Variants in MS4A4A observed in about 807,000 individuals in gnomAD.
MS4A4A encodes the protein membrane-spanning 4-domains subfamily A member 4A.
Under a neutral mutation model 28.0 loss-of-function variants are expected in MS4A4A, and 26 were observed. The observed-to-expected ratio is 0.93, with a 90% CI of 0.68 to 1.29. MS4A4A has a LOEUF of 1.29. MS4A4A is among the 50% of genes most tolerant of loss of function. The probability of loss-of-function intolerance (pLI) is 0.00; values close to 1 mark genes in which losing one functional copy is unlikely to be tolerated. For missense variants in MS4A4A, 290 were observed against 293.1 expected (o/e 0.99, Z 0.08); for synonymous variants, 86 against 100.8 (o/e 0.85, Z 0.88).
intron 1 of MS4A4A, among the ~76,000 whole-genome samples, 170 bp downstream of exon 1, chr11:60,280,886 TG>T (rs1275551870): frequency 6.6e-6 from 1 of 151,894 alleles, no homozygotes; most frequent in Non-Finnish European, 1.5e-5. Flanking sequence ...GTGCATTCGG[TG>T]GGGGGATGAG....
intron 3 of MS4A4A, among the ~76,000 whole-genome samples, chr11:60,300,579 G>A (rs921054556): frequency 7.8e-6 from 1 of 128,794 alleles, no homozygotes; most frequent in Non-Finnish European, 1.5e-5. Context: ...TTGCCCCACT[G>A]CACTCCAGCC....
chr11:60,296,175 G>C (rs2084903986), intron 2 of MS4A4A, among the ~76,000 whole-genome samples: 1 of 151,914 alleles, frequency 6.6e-6, no homozygotes, highest in East Asian at 1.9e-4. Flanking sequence ...GGCTTATTCA[G>C]AGTGTCTCTT....
intron 4 of MS4A4A, 91 bp downstream of exon 4, chr11:60,301,148 T>G: frequency 9.2e-7 from 1 of 1,086,278 alleles, no homozygotes. Context: ...TTTGTTTCTT[T>G]GTTTGTAAAA....
At chr11:60,294,953 G>GTCTTCTTCTTCTTCTTCTTCTTTTTT in intron 2 of MS4A4A, among the ~76,000 whole-genome samples, 1 of 55,892 alleles carries the variant, frequency 1.8e-5, no homozygotes, top group Admixed American at 1.8e-4. Context: ...TCTTCTTCTA[G>GTCTTCTTCTTCTTCTTCTTCTTTTTT]ATTGTGTTTG....
chr11:60,297,421 C>A, intron 3 of MS4A4A, 96 bp downstream of exon 3: 2 of 1,404,236 alleles, frequency 1.4e-6, no homozygotes, highest in East Asian at 2.4e-5. Flanking sequence ...TCTTGTAATT[C>A]TGTAAATCTG....
rs756881817 is a variant in MS4A4A, at chr11:60,301,075, T to G, written c.387+18T>G. 48 of 1,558,308 alleles carry G rather than the reference T, an allele frequency of 3.1e-5. No homozygotes were observed. The South Asian group carries it at 5.0e-4, about 16-fold the overall frequency. The stretch of plus-strand genomic sequence containing the variant: ...AAGGCCTGGTGAGTAATATTTTCTT[T>G]TTTTGGTATCAAAAAAAGGAAGGAT... On this transcript the variant is annotated intron_variant, in intron 4 of 6. Transcript: ENST00000337908.
chr11:60,290,080 A>G (rs560871594), intron 1 of MS4A4A: 3 of 444,674 alleles, frequency 6.7e-6, no homozygotes, highest in South Asian at 4.8e-5. Context: ...TTCCTTCTTT[A>G]TGGACTCCAA....
intron 5 of MS4A4A, among the ~76,000 whole-genome samples, chr11:60,304,283 C>T (rs768491308): frequency 2.0e-5 from 3 of 152,198 alleles, no homozygotes; most frequent in Non-Finnish European, 4.4e-5. Flanking sequence ...GGGCTGATTT[C>T]GTGGGCATGG....
intron 2 of MS4A4A, 52 bp downstream of exon 2, chr11:60,292,436 T>C (rs754642449): frequency 6.6e-7 from 1 of 1,509,320 alleles, no homozygotes; most frequent in Non-Finnish European, 8.9e-7. Flanking sequence ...TCATATTTCA[T>C]AAGACCTAAT....
At position 60,308,270 on chromosome 11, in the gene MS4A4A, C is replaced by G; in HGVS notation, c.*92C>G. 1 of 1,092,266 alleles carries G rather than the reference C, an allele frequency of 9.2e-7. No individual in the cohort carries two copies. Among genetic ancestry groups the G allele is most frequent in the Non-Finnish European group, 1.4e-6 (1 of 715,300 alleles). The allele number at this position is 1,092,266 out of a possible 1,614,324, so 67.7% of individuals were successfully genotyped here. On this transcript the variant is annotated 3_prime_UTR_variant, in exon 7 of 7. Transcript: ENST00000337908. ...ATGAGAAATTACCAGTATCCAACTT[C>G]GATACTGATAGACTTGTTGATATTA...
Position 60,280,725 on chromosome 11 carries a change from A to G in MS4A4A, c.41+9A>G. On this transcript the variant is annotated intron_variant, in intron 1 of 6. Coordinates refer to ENST00000337908, the MANE Select transcript of MS4A4A (RefSeq NM_148975.3). ...TGCAGGCCTGAAGAAAGGTAGGTCC[A>G]GGGACTTGCCTTCCTAGGCTTTCGG... 6.2e-7 allele frequency: 1 copy of G among 1,613,510 alleles called. No individual in the cohort carries two copies.
chr11:60,291,809 C>A (rs12275320), intron 1 of MS4A4A, among the ~76,000 whole-genome samples: 18,957 of 130,252 alleles, frequency 0.15, 1,631 homozygotes, highest in African/African-American at 0.17. Flanking sequence ...AAAAAAAAAA[C>A]AAAAAAACAA....
intron 1 of MS4A4A, among the ~76,000 whole-genome samples, chr11:60,290,742 CTCTA>C (rs1407436826): frequency 8.6e-5 from 13 of 151,776 alleles, no homozygotes; most frequent in African/African-American, 1.5e-4. Context: ...AACGTTTCTC[CTCTA>C]TCTTTCTCTG....
At chr11:60,282,799 T>C in intron 1 of MS4A4A, 2 of 1,161,368 alleles carry the variant, frequency 1.7e-6, no homozygotes, top group South Asian at 3.2e-5. Context: ...CATTAAAAAT[T>C]TTAACTTTAT....
At chr11:60,303,729 G>A (rs1229786871) in intron 5 of MS4A4A, among the ~76,000 whole-genome samples, 1 of 151,850 alleles carries the variant, frequency 6.6e-6, no homozygotes, top group East Asian at 1.9e-4. Flanking sequence ...AAAGCCTATT[G>A]GTCATTTTGA....
At chr11:60,303,926 G>C (rs1390275958) in intron 5 of MS4A4A, among the ~76,000 whole-genome samples, 2 of 152,076 alleles carry the variant, frequency 1.3e-5, no homozygotes, top group Admixed American at 1.3e-4. Context: ...ACATAGTTTT[G>C]TGGGCTATAT....
chr11:60,308,193 C>A lies in MS4A4A; in HGVS notation c.*15C>A. 6.2e-7 allele frequency: 1 copy of A among 1,610,940 alleles called. No individual in the cohort carries two copies. The highest frequency in any genetic ancestry group is 2.2e-5 in the East Asian group (1 of 44,846). On this transcript the variant is annotated 3_prime_UTR_variant, in exon 7 of 7. Coordinates refer to ENST00000337908, the MANE Select transcript of MS4A4A (RefSeq NM_148975.3). ...ATGAGGTTTGAGGCCACCAAAAGAT[C>A]AACAGACAAATGCTCCAGAAATCTA...
intron 3 of MS4A4A, among the ~76,000 whole-genome samples, chr11:60,299,448 C>CTTTTTTTTTT (rs5792179): frequency 5.3e-5 from 6 of 113,182 alleles, no homozygotes; most frequent in African/African-American, 1.3e-4. Context: ...AATTACAATT[C>CTTTTTTTTTT]TTTTTTTTTT....
intron 2 of MS4A4A, among the ~76,000 whole-genome samples, chr11:60,296,683 T>G (rs773588929): frequency 6.6e-6 from 1 of 152,164 alleles, no homozygotes; most frequent in Non-Finnish European, 1.5e-5. Context: ...TTTGATCCTT[T>G]GGAATGCCAT....
Sources: allele counts gnomAD v4.1 joint callset (sites outside exome capture counted in the v4.1 genomes callset), GRCh38; gene constraint gnomAD v4.1.1; transcripts MANE v1.5; gene names NCBI Gene and HGNC (gene_info 2026-07-23, HGNC 2026-07-21).